KALRN: variants seen among roughly 807,000 people sequenced by gnomAD.
KALRN encodes kalirin.
In KALRN, 70 loss-of-function variants were observed where a neutral mutation model predicts 353.7. The observed-to-expected ratio is 0.20, with a 90% CI of 0.16 to 0.24. The LOEUF (loss-of-function observed/expected upper bound fraction) is 0.24. Among genes scored for constraint, KALRN ranks in the 10% least tolerant of loss-of-function variants. The pLI, the probability that KALRN is intolerant of heterozygous loss-of-function variation, is 1.00. For synonymous variants in KALRN, 1,391 were observed against 1,434.8 expected (o/e 0.97, Z 0.69); for missense variants, 2,791 against 3,756.7 (o/e 0.74, Z 6.72).
intron 38 of KALRN, among the ~76,000 whole-genome samples, chr3:124,651,660 C>A (rs1291473613): frequency 3.0e-5 from 4 of 134,538 alleles, no homozygotes; most frequent in Non-Finnish European, 6.2e-5. Flanking sequence ...TTTTTTGAGA[C>A]AGGGTCTTGC....
intron 33 of KALRN, among the ~76,000 whole-genome samples, chr3:124,515,107 G>A (rs1219973086): frequency 6.6e-6 from 1 of 152,188 alleles, no homozygotes; most frequent in Non-Finnish European, 1.5e-5. Flanking sequence ...TTAGTGGAAC[G>A]AGAAAAGGTA....
At chr3:124,075,988 C>T (rs35620822) in intron 1 of KALRN, among the ~76,000 whole-genome samples, 19,846 of 152,158 alleles carry the variant, frequency 0.13, 1,665 homozygotes, top group East Asian at 0.46. Context: ...CCTGTCTCTG[C>T]GTGTGGCCTA....
chr3:124,461,527 A>C (rs1051465091), intron 23 of KALRN, among the ~76,000 whole-genome samples: 1 of 152,156 alleles, frequency 6.6e-6, no homozygotes, highest in Non-Finnish European at 1.5e-5. Context: ...GATTCAAGCT[A>C]TCTAGTTTAG....
At chr3:124,395,642 T>C (rs562703646) in intron 12 of KALRN, 1 of 375,546 alleles carries the variant, frequency 2.7e-6, no homozygotes, top group Admixed American at 4.2e-5. Context: ...AAGTAAAAAA[T>C]AATTAAGAAT....
At chr3:124,468,448 T>G (rs574658991) in intron 25 of KALRN, among the ~76,000 whole-genome samples, 5 of 152,168 alleles carry the variant, frequency 3.3e-5, no homozygotes, top group Non-Finnish European at 5.9e-5. Flanking sequence ...CCTGTCAGGC[T>G]GCTGCTACCT....
At chr3:124,242,641 T>C (rs1214784135) in intron 3 of KALRN, among the ~76,000 whole-genome samples, 1 of 152,162 alleles carries the variant, frequency 6.6e-6, no homozygotes, top group African/African-American at 2.4e-5. Flanking sequence ...CCACTACGCT[T>C]CAGACTTCCT....
At chr3:124,187,038 C>T (rs1171530280) in intron 1 of KALRN, among the ~76,000 whole-genome samples, 3 of 152,164 alleles carry the variant, frequency 2.0e-5, no homozygotes, top group Non-Finnish European at 4.4e-5. Flanking sequence ...CTGAAAGACA[C>T]AGTAATTAGG....
At chr3:124,366,142 C>T (rs960613712) in intron 10 of KALRN, among the ~76,000 whole-genome samples, 1 of 151,842 alleles carries the variant, frequency 6.6e-6, no homozygotes. Flanking sequence ...GGTGTAATGT[C>T]TGATGGGGCT....
At position 124,482,803 on chromosome 3, in the gene KALRN, T is replaced by G. The variant is rs1234000742; in HGVS notation, c.4192-5T>G. On this transcript the variant is annotated splice_polypyrimidine_tract_variant and splice_region_variant and intron_variant, in intron 27 of 59. Transcript: ENST00000682506. Reference sequence around the variant, plus strand: ...TCTAATTGCACATTGTTCTCATCCCTGCAGGAGATACAACAGCGGCATGGT... The same window carrying G: ...TCTAATTGCACATTGTTCTCATCCCGGCAGGAGATACAACAGCGGCATGGT... The G allele has an allele frequency of 1.3e-5, 21 of 1,601,682 alleles. No homozygotes were observed. The highest frequency in any genetic ancestry group is 5.4e-5 in the African/African-American group (4 of 74,648).
chr3:124,463,681 A>G (rs1277384538), intron 25 of KALRN, among the ~76,000 whole-genome samples: 1 of 152,228 alleles, frequency 6.6e-6, no homozygotes, highest in Non-Finnish European at 1.5e-5. Flanking sequence ...TCTCAGCTCT[A>G]GAATAGCCCT....
At chr3:124,608,423 T>G (rs2077582559) in intron 34 of KALRN, among the ~76,000 whole-genome samples, 1 of 152,202 alleles carries the variant, frequency 6.6e-6, no homozygotes, top group Non-Finnish European at 1.5e-5. Context: ...GAGTCCTCGC[T>G]CTGTCTCCTC....
chr3:124,629,223 A>G (rs1443548937), intron 34 of KALRN, among the ~76,000 whole-genome samples: 1 of 152,094 alleles, frequency 6.6e-6, no homozygotes, highest in African/African-American at 2.4e-5. Context: ...ATTTGTTCAG[A>G]TGCTAATGGT....
chr3:124,693,065 C>G (rs1467447011), intron 51 of KALRN, among the ~76,000 whole-genome samples: 1 of 152,234 alleles, frequency 6.6e-6, no homozygotes, highest in Non-Finnish European at 1.5e-5. Context: ...CAGTTCCTCC[C>G]TTGAACCAGC....
intron 1 of KALRN, chr3:124,094,749 C>A (rs2061326041): frequency 5.5e-6 from 6 of 1,098,398 alleles, no homozygotes; most frequent in Non-Finnish European, 8.4e-6. Flanking sequence ...GCGAGCCCAG[C>A]GTCAAGTGAT....
At chr3:124,044,859 C>CCTTCCTTCCT (rs2040309509) in intron 1 of KALRN, among the ~76,000 whole-genome samples, 1 of 43,228 alleles carries the variant, frequency 2.3e-5, no homozygotes, top group African/African-American at 7.5e-5. Context: ...CCCTCCCTCC[C>CCTTCCTTCCT]TCCTTCCTTC....
intron 4 of KALRN, 194 bp from the exon 5 acceptor site, chr3:124,268,549 C>A (rs1003226462): frequency 1.3e-5 from 8 of 604,320 alleles, no homozygotes; most frequent in Non-Finnish European, 2.0e-5. Flanking sequence ...AAGCAGTCAG[C>A]AGTCTGTAGA....
At chr3:124,592,854 A>G (rs914145966) in intron 34 of KALRN, among the ~76,000 whole-genome samples, 1 of 152,270 alleles carries the variant, frequency 6.6e-6, no homozygotes, top group Admixed American at 6.5e-5. Context: ...GGAGGCTGCC[A>G]GGCAGCTTTT....
chr3:124,082,322 T>A (rs1233852020), intron 1 of KALRN: 1 of 471,042 alleles, frequency 2.1e-6, no homozygotes, highest in Admixed American at 2.3e-5. Context: ...TTGCTCCAAC[T>A]TTTTCTTACT....
chr3:124,633,994 C>T (rs769885273), intron 36 of KALRN, 41 bp downstream of exon 36: 20 of 1,521,726 alleles, frequency 1.3e-5, no homozygotes, highest in South Asian at 1.0e-4. Context: ...AGCAACGTGC[C>T]GTGCGTGATT....
Sources: gnomAD v4.1 joint callset for allele counts (sites outside exome capture counted in the v4.1 genomes callset) on GRCh38, gnomAD v4.1.1 for gene constraint, MANE v1.5 for transcripts, NCBI Gene and HGNC (gene_info 2026-07-23, HGNC 2026-07-21) for gene names.